The following TRPM2 variants were observed in gnomAD, a reference collection of about 807,000 sequenced individuals.
TRPM2 encodes the protein transient receptor potential cation channel subfamily M member 2.
A neutral mutation model predicts 174.0 loss-of-function variants in TRPM2; 161 were observed. That is an observed-to-expected ratio of 0.93 (90% CI 0.81 to 1.05). TRPM2 has a LOEUF of 1.05. TRPM2 is among the 50% of genes least tolerant of loss of function. The pLI is 0.00. For missense variants in TRPM2, 2,057 were observed against 2,038.0 expected (o/e 1.01, Z -0.18); for synonymous variants, 954 against 861.3 (o/e 1.11, Z -1.88).
Position 44,439,498 on chromosome 21 carries a change from T to A in TRPM2, c.4269+330T>A, listed in dbSNP as rs1237189916. 6.6e-6 allele frequency among the ~76,000 whole-genome samples: 1 copy of A among 151,884 alleles called. No individual in the cohort carries two copies. Among genetic ancestry groups the A allele is most frequent in the African/African-American group, 2.4e-5 (1 of 41,326 alleles). On this transcript the variant is annotated intron_variant, in intron 30 of 31. Transcript: ENST00000397928. This position sits in a 1 kb window ranked among gnomAD's most constrained non-coding sequence, Gnocchi z 5.1. ...GCCTGGTGCCGCCCTCCTCCCCACA[T>A]CCACCCTTGCCTCGAGCACAGCTGC... is the stretch of plus-strand genomic sequence containing the variant.
At chr21:44,416,620 G>GA in intron 20 of TRPM2, 1 of 186,682 alleles carries the variant, frequency 5.4e-6, no homozygotes, top group South Asian at 8.9e-5. Flanking sequence ...TTATAATATC[G>GA]AAAGTCTGTG....
At chr21:44,411,323 A>G (rs2050100301) in intron 19 of TRPM2, among the ~76,000 whole-genome samples, 1 of 152,074 alleles carries the variant, frequency 6.6e-6, no homozygotes, top group African/African-American at 2.4e-5. Flanking sequence ...CTTCTGTTAA[A>G]TTTATTCCTA....
Position 44,438,541 on chromosome 21 carries a change from G to A in TRPM2, c.4168-526G>A, listed in dbSNP as rs2051362609. ...CAGTGGGACTTTGAATGACAAATAG[G>A]GTGGGAAAGATGGGTGTGGGGAGGA... On this transcript the variant is annotated intron_variant, in intron 29 of 31. Coordinates refer to ENST00000397928, the MANE Select transcript of TRPM2 (RefSeq NM_003307.4). This position sits in a 1 kb window ranked among gnomAD's most constrained non-coding sequence, Gnocchi z 5.9. 6.6e-6 allele frequency among the ~76,000 whole-genome samples: 1 copy of A among 152,164 alleles called. No individual in the cohort carries two copies. The highest frequency in any genetic ancestry group is 6.5e-5 in the Admixed American group (1 of 15,286).
intron 27 of TRPM2, among the ~76,000 whole-genome samples, chr21:44,433,988 C>T (rs1461242912): frequency 6.6e-6 from 1 of 152,136 alleles, no homozygotes; most frequent in African/African-American, 2.4e-5. Context: ...GGGTCAGGGA[C>T]GGTAGCGCAG....
At chr21:44,413,778 C>A in intron 19 of TRPM2, 113 bp from the exon 20 acceptor site, 1 of 1,253,780 alleles carries the variant, frequency 8.0e-7, no homozygotes, top group Non-Finnish European at 1.1e-6. Flanking sequence ...TGAGCAGCAT[C>A]AGGCCTGCGG....
At chr21:44,355,794 A>G (rs2048042354) in intron 2 of TRPM2, among the ~76,000 whole-genome samples, 2 of 151,640 alleles carry the variant, frequency 1.3e-5, no homozygotes, top group Admixed American at 6.6e-5. Context: ...TCGGTACATC[A>G]TCAGAGTTTC....
At position 44,424,893 on chromosome 21, in the gene TRPM2, G is replaced by A. The variant is rs778888345; in HGVS notation, c.3591G>A (p.Thr1197=). The A allele has an allele frequency of 5.2e-5, 83 of 1,608,182 alleles. No homozygotes were observed. Among genetic ancestry groups the A allele is most frequent in the Middle Eastern group, 1.9e-4 (1 of 5,354 alleles). Residue 1197 remains threonine, a synonymous_variant, in exon 24 of 32, where the codon ACG becomes ACA. Coordinates refer to ENST00000397928, the MANE Select transcript of TRPM2 (RefSeq NM_003307.4). ...AAGCCCTGCACTGGATCGTGAGGAC[G>A]CTGCGGGCCAGCGGCTTCAGCTCGG... The part of the protein sequence containing the change: ...TAQALHWIVR[T]LRASGFSSEA...
In TRPM2 at chr21:44,412,181, C is replaced by T. The variant is rs146447329; in HGVS notation, c.2963-1710C>T. Reference sequence around the variant, plus strand: ...TGTAAAAGAGTGGTTTTAATTCTTCCGTGAACATTTGGTAGAATTCACCAG... The same window carrying T: ...TGTAAAAGAGTGGTTTTAATTCTTCTGTGAACATTTGGTAGAATTCACCAG... On this transcript the variant is annotated intron_variant, in intron 19 of 31. Coordinates refer to ENST00000397928, the MANE Select transcript of TRPM2 (RefSeq NM_003307.4). Among the ~76,000 whole-genome samples, 15 of 152,232 alleles carry T rather than the reference C, an allele frequency of 9.9e-5. No homozygotes were observed. In the South Asian group the frequency reaches 1.2e-3, roughly 13 times the overall value.
rs1285238007 is a variant in TRPM2, at chr21:44,438,714, G to A, written c.4168-353G>A. Among the ~76,000 whole-genome samples, 2 of 152,166 alleles carry A rather than the reference G, an allele frequency of 1.3e-5. No homozygotes were observed. Among genetic ancestry groups the A allele is most frequent in the Admixed American group, 6.5e-5 (1 of 15,288 alleles). ...GCCGTGGCAGCCTGCTGCACTGGGC[G>A]GGAGCTGGGAGGGGCGACGCGGGGG... On this transcript the variant is annotated intron_variant, in intron 29 of 31. Coordinates refer to ENST00000397928, the MANE Select transcript of TRPM2 (RefSeq NM_003307.4). This position sits in a 1 kb window ranked among gnomAD's most constrained non-coding sequence, Gnocchi z 5.9.
intron 3 of TRPM2, among the ~76,000 whole-genome samples, chr21:44,365,602 G>A (rs565843450): frequency 3.0e-4 from 45 of 152,306 alleles, no homozygotes; most frequent in South Asian, 2.3e-3. Flanking sequence ...TGATGCCACC[G>A]TGGCCGTGGC....
intron 2 of TRPM2, among the ~76,000 whole-genome samples, chr21:44,358,187 C>T (rs544698756): frequency 7.9e-5 from 12 of 152,350 alleles, no homozygotes; most frequent in South Asian, 4.1e-4. Context: ...TGCACAGACT[C>T]GTCTCATTTC....
chr21:44,365,407 G>C (rs764628335), intron 3 of TRPM2, among the ~76,000 whole-genome samples: 1 of 152,222 alleles, frequency 6.6e-6, no homozygotes, highest in Non-Finnish European at 1.5e-5. Context: ...GCAGGTCCCG[G>C]AGACGGGGTC....
chr21:44,378,306 G>A (rs1321713591), intron 7 of TRPM2, among the ~76,000 whole-genome samples: 1 of 152,220 alleles, frequency 6.6e-6, no homozygotes, highest in African/African-American at 2.4e-5. Context: ...ACCTGCTGTA[G>A]GAATGTACGA....
At chr21:44,425,865 G>T in intron 25 of TRPM2, 38 bp downstream of exon 25, 1 of 1,496,852 alleles carries the variant, frequency 6.7e-7, no homozygotes, top group East Asian at 2.4e-5. Flanking sequence ...CGGAGTGGCC[G>T]GGCCCCTGGG....
chr21:44,399,566 A>G lies in TRPM2; in HGVS notation c.2208+125A>G. 1 of 1,310,428 alleles carries G rather than the reference A, an allele frequency of 7.6e-7. No individual in the cohort carries two copies. Among genetic ancestry groups the G allele is most frequent in the Non-Finnish European group, 1.0e-6 (1 of 990,572 alleles). 81.2% of individuals were successfully genotyped at this position (1,310,428 alleles called of 1,614,324 possible). The stretch of plus-strand genomic sequence containing the variant: ...CTTCAGGGCCCTCAGCAGCTCGGGG[A>G]CAGCGCCTGACCCCTCGGCCACCTG... On this transcript the variant is annotated intron_variant, in intron 14 of 31. Transcript: ENST00000397928. The surrounding 1 kb of genome is among the most constrained non-coding windows in gnomAD (Gnocchi z 4.6).
At chr21:44,350,508 G>A (rs1200812022), upstream of TRPM2, among the ~76,000 whole-genome samples, 2 of 144,668 alleles carry the variant, frequency 1.4e-5, no homozygotes, top group Non-Finnish European at 3.1e-5. Context: ...GGTTCGGGGC[G>A]CTGGTGCAGG....
At chr21:44,382,611 C>G in intron 8 of TRPM2, 107 bp from the exon 9 acceptor site, 3 of 1,053,268 alleles carry the variant, frequency 2.8e-6, no homozygotes, top group Non-Finnish European at 4.3e-6. Context: ...CAAGCGCAGG[C>G]AGGACCCAAG....
Position 44,376,067 on chromosome 21 carries a change from A to C in TRPM2, c.952+54A>C. On this transcript the variant is annotated intron_variant, in intron 6 of 31. Transcript: ENST00000397928. This position sits in a 1 kb window ranked among gnomAD's most constrained non-coding sequence, Gnocchi z 4.2. Reference sequence around the variant, plus strand: ...GGGCAGAGAGCACAGTGGGCTGGTCAGAGTGTCAGGTACAGCTGGTCACGA... The same window carrying C: ...GGGCAGAGAGCACAGTGGGCTGGTCCGAGTGTCAGGTACAGCTGGTCACGA... 6.3e-7 allele frequency: 1 copy of C among 1,583,474 alleles called. No homozygotes were observed. The highest frequency in any genetic ancestry group is 8.6e-7 in the Non-Finnish European group (1 of 1,160,830).
chr21:44,369,047 C>G, intron 4 of TRPM2, 130 bp from the exon 5 acceptor site: 1 of 1,026,770 alleles, frequency 9.7e-7, no homozygotes, highest in Non-Finnish European at 1.4e-6. Context: ...GTTTGAAAGC[C>G]CCTGAGTGAG....
Sources: allele counts gnomAD v4.1 joint callset (sites outside exome capture counted in the v4.1 genomes callset), GRCh38; gene constraint gnomAD v4.1.1; non-coding constraint Gnocchi (gnomAD v3.1); transcripts MANE v1.5; gene names NCBI Gene and HGNC (gene_info 2026-07-23, HGNC 2026-07-21).